The following RGS7 variants were observed in gnomAD, a reference collection of about 807,000 sequenced individuals.
RGS7 encodes the protein regulator of G protein signaling 7.
In RGS7, 27 loss-of-function variants were observed where a neutral mutation model predicts 81.1. That is an observed-to-expected ratio of 0.33 (90% CI 0.25 to 0.46). RGS7 has a LOEUF of 0.46. Among genes scored for constraint, RGS7 ranks in the 20% least tolerant of loss-of-function variants. The pLI, the probability that RGS7 is intolerant of heterozygous loss-of-function variation, is 1.00. For missense variants in RGS7, 396 were observed against 607.4 expected (o/e 0.65, Z 3.66); for synonymous variants, 208 against 207.7 (o/e 1.00, Z -0.01).
At chr1:240,851,210 G>A (rs1660042414) in intron 9 of RGS7, among the ~76,000 whole-genome samples, 1 of 152,222 alleles carries the variant, frequency 6.6e-6, no homozygotes, top group African/African-American at 2.4e-5. Context: ...GCTGGTGATT[G>A]TAAGTTGAGG....
At chr1:240,838,398 A>C (rs1413639886) in intron 9 of RGS7, among the ~76,000 whole-genome samples, 1 of 152,218 alleles carries the variant, frequency 6.6e-6, no homozygotes, top group East Asian at 1.9e-4. Context: ...TGGGGAGGAC[A>C]CAAATGTTCA....
Position 241,175,701 on chromosome 1 carries a change from TTCAGCTGTC to T in RGS7, c.79-76948_79-76940del, listed in dbSNP as rs1351894175. ...TCCACCACAGAGCAGGGAGAGGGGC[TTCAGCTGTC>T]ACTCAGAGTTAAACCTGGAAAAATC... is the stretch of plus-strand genomic sequence containing the variant. On this transcript the variant is annotated intron_variant, in intron 2 of 18. Coordinates refer to ENST00000440928, the MANE Select transcript of RGS7 (RefSeq NM_001364886.1). Among the ~76,000 whole-genome samples the T allele has an allele frequency of 3.7e-4, 56 of 152,290 alleles. 1 individual carries two copies. The highest frequency in any genetic ancestry group is 1.3e-3 in the African/African-American group (54 of 41,552).
At chr1:240,877,152 T>G (rs909834105) in intron 6 of RGS7, among the ~76,000 whole-genome samples, 2 of 151,632 alleles carry the variant, frequency 1.3e-5, no homozygotes, top group Non-Finnish European at 2.9e-5. Flanking sequence ...CAAAATGATG[T>G]GTACAAATTG....
chr1:241,356,232 G>A (rs2083556621), intron 1 of RGS7, among the ~76,000 whole-genome samples: 1 of 151,424 alleles, frequency 6.6e-6, no homozygotes, highest in Non-Finnish European at 1.5e-5. Context: ...CGGTGGGGGA[G>A]TGGGGGGCGG....
intron 9 of RGS7, among the ~76,000 whole-genome samples, chr1:240,831,462 G>C (rs1693822292): frequency 6.6e-6 from 1 of 151,962 alleles, no homozygotes; most frequent in South Asian, 2.1e-4. Context: ...CTAATTGTCG[G>C]ATCTTGTGAC....
At chr1:240,925,150 G>T (rs1674223826) in intron 6 of RGS7, among the ~76,000 whole-genome samples, 1 of 151,858 alleles carries the variant, frequency 6.6e-6, no homozygotes, top group Admixed American at 6.6e-5. Flanking sequence ...TAGATTCAGG[G>T]GGTACATGTG....
intron 2 of RGS7, among the ~76,000 whole-genome samples, chr1:241,181,976 T>C (rs1379092903): frequency 1.3e-5 from 2 of 152,216 alleles, no homozygotes; most frequent in African/African-American, 4.8e-5. Flanking sequence ...ATTACAGATG[T>C]GAGCCATTCC....
chr1:241,110,638 TTTTTATTTTA>T (rs10590598), intron 2 of RGS7, among the ~76,000 whole-genome samples: 9 of 144,030 alleles, frequency 6.2e-5, no homozygotes, highest in South Asian at 4.3e-4. Context: ...TATTATTTCA[TTTTTATTTTA>T]TTTTATTTTA....
intron 6 of RGS7, among the ~76,000 whole-genome samples, chr1:240,924,271 C>A (rs1049821646): frequency 1.3e-5 from 2 of 152,192 alleles, no homozygotes; most frequent in Non-Finnish European, 2.9e-5. Context: ...TGATTCTCAA[C>A]ATCCTTTTAT....
At chr1:241,106,752 C>CCACCACACACACACACA (rs1553421291) in intron 2 of RGS7, among the ~76,000 whole-genome samples, 1 of 121,684 alleles carries the variant, frequency 8.2e-6, no homozygotes, top group African/African-American at 3.3e-5. Context: ...AACACCACCA[C>CCACCACACACACACACA]CACACACACA....
chr1:240,875,656 T>C (rs1210574427), intron 6 of RGS7, among the ~76,000 whole-genome samples: 1 of 152,200 alleles, frequency 6.6e-6, no homozygotes, highest in Non-Finnish European at 1.5e-5. Flanking sequence ...CCAGCAACAG[T>C]GTATCAGGGT....
chr1:241,345,108 A>G (rs1270655367), intron 2 of RGS7, among the ~76,000 whole-genome samples: 1 of 152,240 alleles, frequency 6.6e-6, no homozygotes, highest in Non-Finnish European at 1.5e-5. Context: ...GCTGGAGGCC[A>G]TGATCCTCAG....
At chr1:241,176,805 A>G (rs1171343302) in intron 2 of RGS7, among the ~76,000 whole-genome samples, 1 of 152,114 alleles carries the variant, frequency 6.6e-6, no homozygotes, top group Non-Finnish European at 1.5e-5. Flanking sequence ...CCAAGGCCTC[A>G]TGGTGGGCTC....
chr1:241,197,588 T>TCTCAA (rs2073172272), intron 2 of RGS7, among the ~76,000 whole-genome samples: 1 of 151,886 alleles, frequency 6.6e-6, no homozygotes, highest in Non-Finnish European at 1.5e-5. Context: ...GTAGATGGTA[T>TCTCAA]AGCAAGAAGC....
At chr1:241,052,411 C>T (rs2061298531) in intron 3 of RGS7, among the ~76,000 whole-genome samples, 1 of 151,958 alleles carries the variant, frequency 6.6e-6, no homozygotes, top group Non-Finnish European at 1.5e-5. Context: ...AAGGTATTTC[C>T]AGTCAGGGAT....
chr1:241,310,596 G>A (rs2080473059), intron 2 of RGS7, among the ~76,000 whole-genome samples: 1 of 151,540 alleles, frequency 6.6e-6, no homozygotes, highest in Admixed American at 6.6e-5. Flanking sequence ...CGACAGTCAC[G>A]GAAGTGATGA....
In RGS7 at chr1:240,937,456, T is replaced by C. The variant is rs535693221; in HGVS notation, c.227-750A>G. 2.5e-4 allele frequency among the ~76,000 whole-genome samples: 38 copies of C among 152,324 alleles called. 2 individuals carry two copies. In the South Asian group the frequency reaches 7.9e-3, roughly 32 times the overall value. Reference sequence around the variant, plus strand: ...TCTTTCTCACAAGACACTAAGATGGTTCTAGTTCCTGGTAGCAACTGCCAT... The same window carrying C: ...TCTTTCTCACAAGACACTAAGATGGCTCTAGTTCCTGGTAGCAACTGCCAT... On this transcript the variant is annotated intron_variant, in intron 4 of 18. Transcript: ENST00000440928.
At chr1:241,123,163 G>A (rs991573182) in intron 2 of RGS7, among the ~76,000 whole-genome samples, 12 of 152,132 alleles carry the variant, frequency 7.9e-5, no homozygotes, top group African/African-American at 2.9e-4. Flanking sequence ...CCCTGCTGCA[G>A]ACCCCAGGTC....
chr1:241,152,801 C>T (rs1212543860), intron 2 of RGS7, among the ~76,000 whole-genome samples: 1 of 152,192 alleles, frequency 6.6e-6, no homozygotes, highest in Non-Finnish European at 1.5e-5. Flanking sequence ...AGGGGCTGAG[C>T]CCCCTGAGAA....
Sources: allele counts gnomAD v4.1 joint callset (sites outside exome capture counted in the v4.1 genomes callset), GRCh38; gene constraint gnomAD v4.1.1; transcripts MANE v1.5; gene names NCBI Gene and HGNC (gene_info 2026-07-23, HGNC 2026-07-21).